Variants in B4GALT6 observed in about 807,000 individuals in gnomAD.
B4GALT6 encodes the protein beta-1,4-galactosyltransferase 6.
Under a neutral mutation model 46.3 loss-of-function variants are expected in B4GALT6, and 14 were observed. The observed-to-expected ratio is 0.30, with a 90% CI of 0.20 to 0.47. The LOEUF is 0.47. Ranked by LOEUF, B4GALT6 falls within the 20% of genes least tolerant of loss-of-function variation. The probability of loss-of-function intolerance (pLI) is 0.99; values close to 1 mark genes in which losing one functional copy is unlikely to be tolerated. For missense variants in B4GALT6, 386 were observed against 480.1 expected, an observed-to-expected ratio of 0.80 and a Z score of 1.83; for synonymous variants, 168 against 162.0, an observed-to-expected ratio of 1.04 and a Z score of -0.28.
At chr18:31,703,669 C>T in the B4GALT6 span, among the ~76,000 whole-genome samples, 1 of 152,248 alleles carries the variant, frequency 6.6e-6, no homozygotes, top group Non-Finnish European at 1.5e-5. Context: ...GGAGGTTAAG[C>T]CAGTATTAGG....
chr18:31,633,376 C>T (rs2073815565), intron 5 of B4GALT6, among the ~76,000 whole-genome samples: 1 of 151,944 alleles, frequency 6.6e-6, no homozygotes, highest in African/African-American at 2.4e-5. Flanking sequence ...TACATTAGGT[C>T]AGCATACATT....
At chr18:31,673,237 G>C (rs917480417) in intron 1 of B4GALT6, among the ~76,000 whole-genome samples, 5 of 152,046 alleles carry the variant, frequency 3.3e-5, no homozygotes, top group African/African-American at 1.2e-4. Flanking sequence ...GGGTAGTAAC[G>C]GAAGTTAGGA....
the B4GALT6 span, among the ~76,000 whole-genome samples, chr18:31,699,997 T>A: frequency 6.6e-6 from 1 of 152,016 alleles, no homozygotes; most frequent in Admixed American, 6.6e-5. Flanking sequence ...AATCAGATAG[T>A]GGGAAAGAAG....
chr18:31,677,357 C>T (rs1303571778), intron 1 of B4GALT6, among the ~76,000 whole-genome samples: 1 of 152,078 alleles, frequency 6.6e-6, no homozygotes, highest in East Asian at 1.9e-4. Context: ...TTTGCTAAAA[C>T]CAAAAACAAT....
intron 1 of B4GALT6, among the ~76,000 whole-genome samples, chr18:31,668,544 G>A (rs1162343126): frequency 6.6e-6 from 1 of 152,096 alleles, no homozygotes; most frequent in Non-Finnish European, 1.5e-5. Flanking sequence ...CATAAGTAAG[G>A]TTTGTGGGTT....
intron 3 of B4GALT6, among the ~76,000 whole-genome samples, chr18:31,645,933 T>C (rs539221286): frequency 6.6e-6 from 1 of 152,306 alleles, no homozygotes; most frequent in South Asian, 2.1e-4. Context: ...AGCTTCTGTC[T>C]ATTGGGAAAA....
chr18:31,653,742 G>A (rs529351874), intron 3 of B4GALT6, among the ~76,000 whole-genome samples: 101 of 152,142 alleles, frequency 6.6e-4, no homozygotes, highest in African/African-American at 2.2e-3. Context: ...CACCACGCCC[G>A]GCCTCATAAT....
At chr18:31,703,709 G>C in the B4GALT6 span, among the ~76,000 whole-genome samples, 1 of 152,198 alleles carries the variant, frequency 6.6e-6, no homozygotes, top group African/African-American at 2.4e-5. Context: ...CTGATGCTTT[G>C]AGCATGTCTG....
chr18:31,693,292 C>T, the B4GALT6 span, among the ~76,000 whole-genome samples: 21 of 152,146 alleles, frequency 1.4e-4, no homozygotes, highest in Non-Finnish European at 2.6e-4. Flanking sequence ...TGCTTGTGTA[C>T]ACCAGTACAC....
the B4GALT6 span, among the ~76,000 whole-genome samples, chr18:31,703,180 G>A: frequency 6.6e-6 from 1 of 152,178 alleles, no homozygotes; most frequent in Non-Finnish European, 1.5e-5. Flanking sequence ...TGAAGAAAGG[G>A]AGGTCTGAAA....
At chr18:31,709,460 G>GATATATATATATATAT in the B4GALT6 span, among the ~76,000 whole-genome samples, 1 of 123,504 alleles carries the variant, frequency 8.1e-6, no homozygotes, top group African/African-American at 3.6e-5. Context: ...TATATATATG[G>GATATATATATATATAT]TATATTCTCT....
At chr18:31,724,372 C>A in the B4GALT6 span, 1 of 1,067,370 alleles carries the variant, frequency 9.4e-7, no homozygotes, top group Non-Finnish European at 1.2e-6. Context: ...CCCGCTCCAG[C>A]TGACCTCTGA....
At chr18:31,687,406 G>A (rs2029965349), upstream of B4GALT6, among the ~76,000 whole-genome samples, 2 of 152,148 alleles carry the variant, frequency 1.3e-5, no homozygotes, top group Non-Finnish European at 2.9e-5. Flanking sequence ...CATTAAGTCT[G>A]TCTCTCATAG....
chr18:31,668,830 T>C (rs2074313761), intron 1 of B4GALT6, among the ~76,000 whole-genome samples: 1 of 140,658 alleles, frequency 7.1e-6, no homozygotes, highest in Admixed American at 7.3e-5. Context: ...TGAAATGCCG[T>C]CTCTACTAAA....
At chr18:31,679,210 C>A (rs1367116125) in intron 1 of B4GALT6, among the ~76,000 whole-genome samples, 4 of 152,192 alleles carry the variant, frequency 2.6e-5, no homozygotes, top group African/African-American at 9.7e-5. Context: ...GTTTAACAGA[C>A]TTCAAATGTA....
intron 3 of B4GALT6, among the ~76,000 whole-genome samples, chr18:31,650,492 G>A (rs1176221358): frequency 6.6e-6 from 1 of 152,164 alleles, no homozygotes; most frequent in Non-Finnish European, 1.5e-5. Context: ...CCAAGAAGTG[G>A]CACTTCTGGT....
rs994119852 is a variant in B4GALT6, at chr18:31,624,616, T to G, written c.*998A>C. On this transcript the variant is annotated 3_prime_UTR_variant, in exon 9 of 9. Coordinates refer to ENST00000306851, the MANE Select transcript of B4GALT6 (RefSeq NM_004775.5). Reference sequence around the variant, plus strand: ...GTACTATTGGGTTTTCTTCCATAGATCATTCTTTTAAAAAAACTGACTTGA... The same window carrying G: ...GTACTATTGGGTTTTCTTCCATAGAGCATTCTTTTAAAAAAACTGACTTGA... 3.6e-4 allele frequency: 55 copies of G among 152,164 alleles called. No homozygotes were observed. Among genetic ancestry groups the G allele is most frequent in the African/African-American group, 1.3e-3 (53 of 41,558 alleles). 9.4% of individuals were successfully genotyped at this position (152,164 alleles called of 1,614,324 possible). A position where few individuals can be genotyped will look rare whatever the true frequency, so the allele number is the denominator to read the frequency against.
At chr18:31,639,817 T>C (rs2073907625) in intron 4 of B4GALT6, among the ~76,000 whole-genome samples, 1 of 152,188 alleles carries the variant, frequency 6.6e-6, no homozygotes, top group East Asian at 1.9e-4. Context: ...ACACCATTTA[T>C]ATAAAATGTT....
At position 31,625,396 on chromosome 18, in the gene B4GALT6, G is replaced by A. The variant is rs41447647; in HGVS notation, c.*218C>T. On this transcript the variant is annotated 3_prime_UTR_variant, in exon 9 of 9. Transcript: ENST00000306851. ...TTCCGATCTTAAGTAGTGGCTTCCC[G>A]TTTCTGCGGTGCTCGCCACAGGGGT... is the stretch of plus-strand genomic sequence containing the variant. 144,042 of 432,686 alleles carry A rather than the reference G, an allele frequency of 0.33. 24,802 individuals are homozygous for A. The highest frequency in any genetic ancestry group is 0.42 in the Middle Eastern group (735 of 1,738). The allele number at this position is 432,686 out of a possible 1,614,324, so 26.8% of individuals were successfully genotyped here. A position where few individuals can be genotyped will look rare whatever the true frequency, so the allele number is the denominator to read the frequency against.
Sources: gnomAD v4.1 joint callset for allele counts (sites outside exome capture counted in the v4.1 genomes callset) on GRCh38, gnomAD v4.1.1 for gene constraint, MANE v1.5 for transcripts, NCBI Gene and HGNC (gene_info 2026-07-23, HGNC 2026-07-21) for gene names.